The following ATG4C variants were observed in gnomAD, a reference collection of about 807,000 sequenced individuals.
ATG4C encodes the protein cysteine protease ATG4C.
Under a neutral mutation model 57.6 loss-of-function variants are expected in ATG4C, and 56 were observed. That is an observed-to-expected ratio of 0.97 (90% CI 0.78 to 1.21). The LOEUF (loss-of-function observed/expected upper bound fraction) is 1.21. Ranked by LOEUF, ATG4C falls within the 50% of genes most tolerant of loss-of-function variation. The pLI, the probability that ATG4C is intolerant of heterozygous loss-of-function variation, is 0.00. For missense variants in ATG4C, 595 were observed against 529.8 expected, an observed-to-expected ratio of 1.12 and a Z score of -1.21; for synonymous variants, 157 against 174.1, an observed-to-expected ratio of 0.90 and a Z score of 0.78.
At chr1:62,812,284 G>A (rs1444321071) in intron 3 of ATG4C, among the ~76,000 whole-genome samples, 5 of 152,118 alleles carry the variant, frequency 3.3e-5, no homozygotes, top group South Asian at 4.1e-4. Flanking sequence ...CGATCACGTC[G>A]GCTTCATCCC....
chr1:62,784,673 C>A (rs985123171), intron 1 of ATG4C, among the ~76,000 whole-genome samples: 1 of 152,186 alleles, frequency 6.6e-6, no homozygotes, highest in African/African-American at 2.4e-5. Context: ...ATAACTGGAT[C>A]CCCACTGTCT....
rs570592499 is a variant in ATG4C at position 62,793,633 on chromosome 1, A to C, written c.-69+9360A>C. ...AAAAAAAAAAAAACCAAAAAAACAA[A>C]CAAAAAACCAACACACACACAAAAC... On this transcript the variant is annotated intron_variant, in intron 1 of 10. Transcript: ENST00000317868. Among the ~76,000 whole-genome samples, 20 of 151,324 alleles carry C rather than the reference A, an allele frequency of 1.3e-4. No individual in the cohort carries two copies. In the East Asian group the frequency reaches 1.9e-3, roughly 15 times the overall value.
At chr1:62,811,199 T>C (rs773112685) in intron 3 of ATG4C, among the ~76,000 whole-genome samples, 5 of 152,242 alleles carry the variant, frequency 3.3e-5, no homozygotes, top group Admixed American at 6.5e-5. Context: ...AATGAATTTA[T>C]TCATAAGAAT....
At chr1:62,847,896 A>G (rs776662513) in intron 10 of ATG4C, among the ~76,000 whole-genome samples, 1 of 152,178 alleles carries the variant, frequency 6.6e-6, no homozygotes, top group Non-Finnish European at 1.5e-5. Context: ...AAGTGCCTCC[A>G]AAACAACCAC....
intron 1 of ATG4C, among the ~76,000 whole-genome samples, chr1:62,797,469 C>T (rs536710467): frequency 1.3e-5 from 2 of 152,040 alleles, no homozygotes; most frequent in Non-Finnish European, 2.9e-5. Flanking sequence ...GTTAATTATG[C>T]TTGTTTTTTC....
rs181397749 is a variant in ATG4C, at chr1:62,798,841, C to T, written c.-68-4878C>T. Among the ~76,000 whole-genome samples, 1,283 of 152,152 alleles carry T rather than the reference C, an allele frequency of 8.4e-3. 37 individuals carry two copies. The highest frequency in any genetic ancestry group is 0.029 in the African/African-American group (1,194 of 41,518). ...TATATTTTTAGTAGAGATGGGGTTT[C>T]GCCATGTTGGTCAGGCTGGTCTCAA... On this transcript the variant is annotated intron_variant, in intron 1 of 10. Transcript: ENST00000317868.
At chr1:62,788,295 A>C (rs1197313577) in intron 1 of ATG4C, among the ~76,000 whole-genome samples, 3 of 152,046 alleles carry the variant, frequency 2.0e-5, no homozygotes, top group Non-Finnish European at 2.9e-5. Context: ...TTACTTTCAA[A>C]CCTGTAAAAA....
chr1:62,833,925 G>A lies in ATG4C; in HGVS notation c.934-113G>A, dbSNP rs898918132. On this transcript the variant is annotated intron_variant, in intron 7 of 10. Transcript: ENST00000317868. Reference sequence around the variant, plus strand: ...ACCTGGGTGCAAATGTAATATAAATGATAACTGGTAGTGGTAAATTTGGGA... The same window carrying A: ...ACCTGGGTGCAAATGTAATATAAATAATAACTGGTAGTGGTAAATTTGGGA... 4 of 831,204 alleles carry A rather than the reference G, an allele frequency of 4.8e-6. No homozygotes were observed. The African/African-American group carries it at 5.2e-5, about 11-fold the overall frequency. 51.5% of individuals were successfully genotyped at this position (831,204 alleles called of 1,614,324 possible). A position where few individuals can be genotyped will look rare whatever the true frequency, so the allele number is the denominator to read the frequency against.
At chr1:62,862,510 A>G (rs940897474) in intron 10 of ATG4C, among the ~76,000 whole-genome samples, 1 of 152,116 alleles carries the variant, frequency 6.6e-6, no homozygotes, top group Non-Finnish European at 1.5e-5. Context: ...GAGGTGAAAG[A>G]TGATTAATCA....
intron 3 of ATG4C, among the ~76,000 whole-genome samples, chr1:62,815,566 T>C (rs577671200): frequency 2.6e-5 from 4 of 152,232 alleles, no homozygotes; most frequent in Non-Finnish European, 5.9e-5. Context: ...TTTGTGTGAA[T>C]CTGTATTTCC....
At chr1:62,822,641 T>C (rs1451793842) in intron 6 of ATG4C, among the ~76,000 whole-genome samples, 1 of 152,178 alleles carries the variant, frequency 6.6e-6, no homozygotes, top group African/African-American at 2.4e-5. Context: ...AGGGAGAACT[T>C]GTATTTGTAT....
At chr1:62,824,116 C>T (rs1363273817) in intron 6 of ATG4C, among the ~76,000 whole-genome samples, 1 of 152,044 alleles carries the variant, frequency 6.6e-6, no homozygotes, top group East Asian at 1.9e-4. Context: ...CAGAATTGGA[C>T]TATGTCATAT....
At chr1:62,853,382 G>A (rs1666579676) in intron 10 of ATG4C, among the ~76,000 whole-genome samples, 1 of 152,196 alleles carries the variant, frequency 6.6e-6, no homozygotes, top group South Asian at 2.1e-4. Context: ...ATCATTATGA[G>A]GATTAAAGAT....
At chr1:62,805,126 C>A in intron 2 of ATG4C, 46 bp from the exon 3 acceptor site, 3 of 1,485,290 alleles carry the variant, frequency 2.0e-6, no homozygotes, top group South Asian at 2.8e-5. Flanking sequence ...AGTCTGAAAT[C>A]TTTTAATTAC....
chr1:62,787,270 T>C (rs1157765861), intron 1 of ATG4C, among the ~76,000 whole-genome samples: 1 of 152,170 alleles, frequency 6.6e-6, no homozygotes, highest in Admixed American at 6.5e-5. Context: ...TTTTTCTTGA[T>C]TGAGCAGGGG....
At chr1:62,850,856 A>G (rs61767096) in intron 10 of ATG4C, among the ~76,000 whole-genome samples, 14,411 of 40,248 alleles carry the variant, frequency 0.36, 1,426 homozygotes, top group South Asian at 0.4. Flanking sequence ...GTATGTATGT[A>G]TATATATATA....
Position 62,834,234 on chromosome 1 carries a change from A to C in ATG4C, c.1012+118A>C. 6 of 821,682 alleles carry C rather than the reference A, an allele frequency of 7.3e-6. 1 individual carries two copies. The South Asian group carries it at 1.1e-4, about 15-fold the overall frequency. The allele number at this position is 821,682 out of a possible 1,614,324, so 50.9% of individuals were successfully genotyped here. The stretch of plus-strand genomic sequence containing the variant: ...AGCAAAACGAGTACCTTATACATTC[A>C]TCAGTCCTACTATAGCCACTCATTT... On this transcript the variant is annotated intron_variant, in intron 8 of 10. Coordinates refer to ENST00000317868, the MANE Select transcript of ATG4C (RefSeq NM_032852.4).
intron 10 of ATG4C, among the ~76,000 whole-genome samples, chr1:62,858,958 T>G (rs960194193): frequency 6.6e-6 from 1 of 152,200 alleles, no homozygotes; most frequent in Non-Finnish European, 1.5e-5. Flanking sequence ...ATACATTGCT[T>G]AATGATGGGG....
chr1:62,838,623 C>CA (rs1666071777), intron 9 of ATG4C, among the ~76,000 whole-genome samples: 2 of 151,716 alleles, frequency 1.3e-5, no homozygotes, highest in African/African-American at 4.8e-5. Context: ...ACTAAAAATA[C>CA]AAAAAAATTA....
Sources: gnomAD v4.1 joint callset for allele counts (sites outside exome capture counted in the v4.1 genomes callset) on GRCh38, gnomAD v4.1.1 for gene constraint, MANE v1.5 for transcripts, NCBI Gene and HGNC (gene_info 2026-07-23, HGNC 2026-07-21) for gene names.